Variants in FAM47E observed in about 807,000 individuals in gnomAD.
FAM47E encodes the protein family with sequence similarity 47 member E.
Under a neutral mutation model 41.6 loss-of-function variants are expected in FAM47E, and 32 were observed. The observed-to-expected ratio is 0.77, with a 90% CI of 0.58 to 1.03. FAM47E has a LOEUF of 1.03. FAM47E is among the 50% of genes least tolerant of loss of function. The pLI is 0.00. For synonymous variants in FAM47E, 184 were observed against 188.7 expected, an observed-to-expected ratio of 0.98 and a Z score of 0.20; for missense variants, 424 against 485.4, an observed-to-expected ratio of 0.87 and a Z score of 1.19.
chr4:76,277,489 C>G (rs149808717), intron 5 of FAM47E, among the ~76,000 whole-genome samples: 2,746 of 112,746 alleles, frequency 0.024, 89 homozygotes, highest in African/African-American at 0.086. Context: ...GACTCCGTCT[C>G]AAAAAAAAAG....
chr4:76,248,796 G>GTCTC (rs35402896), upstream of FAM47E, among the ~76,000 whole-genome samples: 108,727 of 149,364 alleles, frequency 0.73, 40,070 homozygotes, highest in East Asian at 0.81. Flanking sequence ...GAATCTCTCA[G>GTCTC]TCTCTCTCTC....
intron 2 of FAM47E, among the ~76,000 whole-genome samples, chr4:76,262,587 A>G (rs1253087300): frequency 1.3e-5 from 2 of 152,174 alleles, no homozygotes; most frequent in Non-Finnish European, 2.9e-5. Context: ...ATGAAAATGC[A>G]TTGTCACAAA....
chr4:76,240,559 T>A (rs11737624), intron 2 of FAM47E, among the ~76,000 whole-genome samples: 2 of 152,008 alleles, frequency 1.3e-5, no homozygotes, highest in African/African-American at 2.4e-5. Context: ...CTACAGGTCC[T>A]TTAGGCTCTG....
intron 2 of FAM47E, among the ~76,000 whole-genome samples, chr4:76,229,866 C>T (rs1428448778): frequency 6.6e-6 from 1 of 152,170 alleles, no homozygotes; most frequent in Non-Finnish European, 1.5e-5. Flanking sequence ...ATCTGGTTAG[C>T]CATGATGTTG....
At chr4:76,254,567 C>G (rs1280632765) in intron 1 of FAM47E, among the ~76,000 whole-genome samples, 1 of 152,098 alleles carries the variant, frequency 6.6e-6, no homozygotes, top group African/African-American at 2.4e-5. Context: ...TAAAACAACA[C>G]CTACACATCT....
chr4:76,266,694 C>T (rs949792532), intron 3 of FAM47E, among the ~76,000 whole-genome samples: 47 of 152,142 alleles, frequency 3.1e-4, no homozygotes, highest in African/African-American at 1.1e-3. Flanking sequence ...TGAGATTCTC[C>T]AATTGCTTAT....
intron 2 of FAM47E, among the ~76,000 whole-genome samples, chr4:76,235,688 C>T (rs1733574314): frequency 6.6e-6 from 1 of 152,210 alleles, no homozygotes; most frequent in African/African-American, 2.4e-5. Flanking sequence ...ATATTACCAA[C>T]TTAAGACCAT....
exon 1 of FAM47E, chr4:76,214,223 C>T (rs1279196526): frequency 4.4e-6 from 2 of 454,576 alleles, no homozygotes; most frequent in Non-Finnish European, 8.8e-6. Flanking sequence ...ACACCGTTAC[C>T]GCAATTACAA....
chr4:76,257,400 G>A (rs991967442), intron 2 of FAM47E, among the ~76,000 whole-genome samples: 1 of 152,128 alleles, frequency 6.6e-6, no homozygotes, highest in Non-Finnish European at 1.5e-5. Flanking sequence ...CCTGCAGCCT[G>A]TATTCTACAC....
intron 2 of FAM47E, among the ~76,000 whole-genome samples, chr4:76,244,452 T>C (rs139128109): frequency 0.052 from 7,910 of 152,058 alleles, 240 homozygotes; most frequent in Middle Eastern, 0.085. Flanking sequence ...CCTGAGATGG[T>C]ACCTCATTGT....
intron 2 of FAM47E, among the ~76,000 whole-genome samples, chr4:76,261,929 A>G (rs1734435643): frequency 6.6e-6 from 1 of 152,208 alleles, no homozygotes; most frequent in Admixed American, 6.5e-5. Context: ...CTGAAATTCC[A>G]GGAGCTTTTA....
At chr4:76,221,418 A>C (rs1163432563) in intron 2 of FAM47E, among the ~76,000 whole-genome samples, 1 of 152,160 alleles carries the variant, frequency 6.6e-6, no homozygotes, top group Non-Finnish European at 1.5e-5. Context: ...TCCTGGGTTC[A>C]AGCGGTTCTC....
chr4:76,283,145 C>A, intron 7 of FAM47E: 1 of 345,344 alleles, frequency 2.9e-6, no homozygotes, highest in South Asian at 4.7e-5. Context: ...CTGGGCTGGG[C>A]CAGACTTGGG....
upstream of FAM47E, among the ~76,000 whole-genome samples, chr4:76,247,975 C>T (rs536571824): frequency 2.4e-4 from 30 of 124,774 alleles, no homozygotes; most frequent in Non-Finnish European, 2.8e-4. Context: ...AGTGCAGTGG[C>T]GCAATCTCGG....
rs1203596755 is a variant in FAM47E, at chr4:76,280,352, G to T, written c.1104+11G>T. The T allele has an allele frequency of 2.7e-6, 4 of 1,490,104 alleles. No homozygotes were observed. Among genetic ancestry groups the T allele is most frequent in the African/African-American group, 2.8e-5 (2 of 71,562 alleles). The allele number at this position is 1,490,104 out of a possible 1,614,324, so 92.3% of individuals were successfully genotyped here. ...TACAGGACGCCACGTGTGAGTAAAG[G>T]GTCCTTTCAGAAGGCCCTGCTGAGG... On this transcript the variant is annotated intron_variant, in intron 7 of 7. Coordinates refer to ENST00000424749, the MANE Select transcript of FAM47E (RefSeq NM_001136570.3).
chr4:76,248,640 T>C (rs192995515), upstream of FAM47E, among the ~76,000 whole-genome samples: 1 of 152,282 alleles, frequency 6.6e-6, no homozygotes, highest in Non-Finnish European at 1.5e-5. Flanking sequence ...CTCGTCACCT[T>C]GGTACTTTGT....
Position 76,283,540 on chromosome 4 carries a change from A to C in FAM47E, c.*82A>C. 2.3e-6 allele frequency: 2 copies of C among 854,756 alleles called. No homozygotes were observed. Among genetic ancestry groups the C allele is most frequent in the Non-Finnish European group, 3.8e-6 (2 of 527,692 alleles). 52.9% of individuals were successfully genotyped at this position (854,756 alleles called of 1,614,324 possible). Reference sequence around the variant, plus strand: ...CTGTCTCCTTTTAAAGATTAAACAGAGTTTATGATGAGTGTCCCACTGTGG... The same window carrying C: ...CTGTCTCCTTTTAAAGATTAAACAGCGTTTATGATGAGTGTCCCACTGTGG... On this transcript the variant is annotated 3_prime_UTR_variant, in exon 8 of 8. Coordinates refer to ENST00000424749, the MANE Select transcript of FAM47E (RefSeq NM_001136570.3).
At chr4:76,244,077 C>CT (rs1235570419) in intron 2 of FAM47E, among the ~76,000 whole-genome samples, 1 of 152,146 alleles carries the variant, frequency 6.6e-6, no homozygotes, top group Non-Finnish European at 1.5e-5. Context: ...TGAATTCATC[C>CT]TTTTTTATGG....
chr4:76,277,066 C>T, intron 5 of FAM47E, among the ~76,000 whole-genome samples: 1 of 152,174 alleles, frequency 6.6e-6, no homozygotes, highest in Non-Finnish European at 1.5e-5. Context: ...GTGGGTATTG[C>T]ATTCACAGTA....
Sources: allele counts gnomAD v4.1 joint callset (sites outside exome capture counted in the v4.1 genomes callset), GRCh38; gene constraint gnomAD v4.1.1; transcripts MANE v1.5; gene names NCBI Gene and HGNC (gene_info 2026-07-23, HGNC 2026-07-21).